The following DGKI variants were observed in gnomAD, a reference collection of about 807,000 sequenced individuals.
DGKI encodes DAG kinase iota.
A neutral mutation model predicts 147.5 loss-of-function variants in DGKI; 55 were observed. The observed-to-expected ratio is 0.37, with a 90% CI of 0.30 to 0.47. The LOEUF is 0.47. Ranked by LOEUF, DGKI falls within the 20% of genes least tolerant of loss-of-function variation. DGKI has a pLI of 1.00. For missense variants in DGKI, 1,007 were observed against 1,323.8 expected (o/e 0.76, Z 3.71); for synonymous variants, 469 against 477.1 (o/e 0.98, Z 0.22).
At chr7:137,585,452 A>G in intron 13 of DGKI, 106 bp from the exon 14 acceptor site, 4 of 1,404,388 alleles carry the variant, frequency 2.8e-6, no homozygotes, top group Non-Finnish European at 3.8e-6. Context: ...TTATTTTATA[A>G]TTAGCAAGGT....
In DGKI at chr7:137,608,826, G is replaced by A; in HGVS notation, c.1167+140C>T. 5 of 671,584 alleles carry A rather than the reference G, an allele frequency of 7.4e-6. No homozygotes were observed. The South Asian group carries it at 9.7e-5, about 13-fold the overall frequency. 41.6% of individuals were successfully genotyped at this position (671,584 alleles called of 1,614,324 possible). The stretch of plus-strand genomic sequence containing the variant: ...CCCTGTAATGTGTAAAGCTATCAGA[G>A]AAACAATAACCTTGTTCCTGAGAAA... On this transcript the variant is annotated intron_variant, in intron 10 of 32. Coordinates refer to ENST00000614521, the MANE Select transcript of DGKI (RefSeq NM_001321708.2).
chr7:137,578,152 A>G, intron 16 of DGKI, 118 bp downstream of exon 16: 1 of 657,010 alleles, frequency 1.5e-6, no homozygotes, highest in Non-Finnish European at 2.7e-6. Context: ...AACCATAGAT[A>G]GACATATATA....
intron 1 of DGKI, among the ~76,000 whole-genome samples, chr7:137,775,807 A>T (rs943692163): frequency 4.6e-5 from 7 of 152,224 alleles, no homozygotes; most frequent in Non-Finnish European, 1.0e-4. Context: ...ATTAGATACA[A>T]TAAAGTAGAT....
At chr7:137,415,551 G>C (rs945286502) in intron 28 of DGKI, among the ~76,000 whole-genome samples, 17 of 152,178 alleles carry the variant, frequency 1.1e-4, no homozygotes, top group African/African-American at 4.1e-4. Context: ...GAACAAATCA[G>C]TTTGGACTTT....
intron 1 of DGKI, among the ~76,000 whole-genome samples, chr7:137,749,017 C>G (rs1795423378): frequency 6.6e-6 from 1 of 152,234 alleles, no homozygotes; most frequent in South Asian, 2.1e-4. Context: ...TTTTCTGAAC[C>G]AAATATTGAC....
chr7:137,777,088 G>C (rs1009393551), intron 1 of DGKI, among the ~76,000 whole-genome samples: 44 of 151,970 alleles, frequency 2.9e-4, no homozygotes, highest in African/African-American at 1.0e-3. Context: ...AGCTAACCAG[G>C]AGGCTAGAGC....
At chr7:137,609,776 G>C (rs1366620312) in intron 8 of DGKI, among the ~76,000 whole-genome samples, 167 bp from the exon 9 acceptor site, 1 of 152,092 alleles carries the variant, frequency 6.6e-6, no homozygotes, top group Non-Finnish European at 1.5e-5. Context: ...ACAGAAATCA[G>C]TCGAGTGCTT....
At chr7:137,548,776 T>C (rs987605846) in intron 20 of DGKI, among the ~76,000 whole-genome samples, 8 of 152,296 alleles carry the variant, frequency 5.3e-5, no homozygotes, top group African/African-American at 7.2e-5. Context: ...GAGACCAGCC[T>C]GAGCAACATG....
At chr7:137,703,948 C>T (rs1204653699) in intron 1 of DGKI, among the ~76,000 whole-genome samples, 3 of 152,206 alleles carry the variant, frequency 2.0e-5, no homozygotes, top group Admixed American at 1.3e-4. Context: ...CAGTCGCTCA[C>T]ACCTGTAACC....
In DGKI at chr7:137,587,187, C is replaced by A. The variant is rs770954076; in HGVS notation, c.1335G>T (p.Leu445=). 6 of 1,612,888 alleles carry A rather than the reference C, an allele frequency of 3.7e-6. No homozygotes were observed. In the South Asian group the frequency reaches 6.6e-5, roughly 18 times the overall value. The stretch of plus-strand genomic sequence containing the variant: ...GCTGAGGGCTCAGCTGCAGTTCATC[C>A]AGGATGGAAAGGATCCAGCCCACCT... ...DGTVGWILSI[L]DELQLSPQPP... The change falls in exon 13 of 33, where the codon CTG becomes CTT. Residue 445 remains leucine (L), a synonymous_variant. Transcript: ENST00000614521.
intron 1 of DGKI, among the ~76,000 whole-genome samples, chr7:137,729,031 G>A (rs1199188586): frequency 6.6e-6 from 1 of 151,912 alleles, no homozygotes; most frequent in African/African-American, 2.4e-5. Flanking sequence ...AATTAATTCT[G>A]GCCTAGAGAA....
chr7:137,547,257 C>T (rs1287397009), intron 20 of DGKI, among the ~76,000 whole-genome samples: 4 of 151,598 alleles, frequency 2.6e-5, no homozygotes, highest in Non-Finnish European at 2.9e-5. Flanking sequence ...TGATAAATGA[C>T]ATATGCTCCC....
Position 137,476,487 on chromosome 7 carries a change from ATATATGTTAC to A in DGKI, c.2374-6878_2374-6869del, listed in dbSNP as rs549179681. On this transcript the variant is annotated intron_variant, in intron 23 of 32. Coordinates refer to ENST00000614521, the MANE Select transcript of DGKI (RefSeq NM_001321708.2). ...ATACTTGATAAAATTTCACTCAGCC[ATATATGTTAC>A]TATCAGAATTCACAATTGGAGTGTT... is the stretch of plus-strand genomic sequence containing the variant. Among the ~76,000 whole-genome samples, 19 of 152,284 alleles carry A rather than the reference ATATATGTTAC, an allele frequency of 1.2e-4. No individual in the cohort carries two copies. In the South Asian group the frequency reaches 3.7e-3, roughly 30 times the overall value.
chr7:137,477,626 G>A (rs921745262), intron 23 of DGKI, among the ~76,000 whole-genome samples: 8 of 152,126 alleles, frequency 5.3e-5, no homozygotes, highest in Non-Finnish European at 1.0e-4. Context: ...GTGTGCACAT[G>A]CAAATTGTAA....
chr7:137,824,293 G>C (rs1276519797), intron 1 of DGKI, among the ~76,000 whole-genome samples: 1 of 152,168 alleles, frequency 6.6e-6, no homozygotes. Flanking sequence ...GAGGCGGGTG[G>C]ATAACCTGAG....
Position 137,407,925 on chromosome 7 carries a change from T to C in DGKI, c.2870A>G (p.Tyr957Cys), listed in dbSNP as rs1053017361. Reference protein sequence around the residue: ...QGPDHCSLLHYAAKTGNGEIV... With the variant: ...QGPDHCSLLHCAAKTGNGEIV... ...CTCCCCGTTGCCGGTTTTAGCTGCG[T>C]AGTGAAGGAGTGAACAGTGGTCTGG... is the stretch of plus-strand genomic sequence containing the variant. The change falls in exon 30 of 33, where the codon TAC becomes TGC. Residue 957 changes from tyrosine to cysteine, a missense_variant. Physicochemically the swap from Tyr to Cys is radical, Grantham distance 194 (BLOSUM62 -2). Around this residue, in one of 5 missense-constraint regions of DGKI, gnomAD observed 385 missense variants for 445.2 expected, o/e 0.86. Transcript: ENST00000614521. 4 of 1,614,008 alleles carry C rather than the reference T, an allele frequency of 2.5e-6. No homozygotes were observed. The East Asian group carries it at 8.9e-5, about 36-fold the overall frequency.
intron 3 of DGKI, among the ~76,000 whole-genome samples, chr7:137,670,559 C>T (rs1036964664): frequency 6.6e-6 from 1 of 152,184 alleles, no homozygotes; most frequent in Non-Finnish European, 1.5e-5. Context: ...CTCTCATATC[C>T]ACTGACTAGG....
rs60719355 is a variant in DGKI at position 137,569,728 on chromosome 7, C to CAAAAAAAAAAAAAAAAAAAAAAAA, written c.1947+1423_1947+1446dup. Among the ~76,000 whole-genome samples the CAAAAAAAAAAAAAAAAAAAAAAAA allele has an allele frequency of 1.1e-4, 7 of 64,612 alleles. 2 individuals carry two copies. The highest frequency in any genetic ancestry group is 2.0e-4 in the Non-Finnish European group (7 of 34,852). The allele number at this position is 64,612 out of a possible 152,430, so 42.4% of individuals were successfully genotyped here. Reference sequence around the variant, plus strand: ...TGGGCAACAGAGTGAGACTCTGTCTCAAAAAAAAAAAAAAAAAAAAAAAAA... The same window carrying CAAAAAAAAAAAAAAAAAAAAAAAA: ...TGGGCAACAGAGTGAGACTCTGTCTCAAAAAAAAAAAAAAAAAAAAAAAAAAAAAAAAAAAAAAAAAAAAAAAAA... On this transcript the variant is annotated intron_variant, in intron 19 of 32. Transcript: ENST00000614521.
intron 5 of DGKI, among the ~76,000 whole-genome samples, chr7:137,648,060 A>C (rs1458538217): frequency 6.6e-6 from 1 of 152,222 alleles, no homozygotes; most frequent in African/African-American, 2.4e-5. Context: ...ACGCTATTCA[A>C]CATGACACAC....
Sources: allele counts gnomAD v4.1 joint callset (sites outside exome capture counted in the v4.1 genomes callset), GRCh38; gene constraint gnomAD v4.1.1; regional missense constraint gnomAD v4.1.1; transcripts MANE v1.5; gene names NCBI Gene and HGNC (gene_info 2026-07-23, HGNC 2026-07-21).